Variants in FAM13A observed in about 807,000 individuals in gnomAD.
FAM13A encodes the protein protein FAM13A.
Under a neutral mutation model 129.6 loss-of-function variants are expected in FAM13A, and 76 were observed. That is an observed-to-expected ratio of 0.59 (90% CI 0.49 to 0.71). The LOEUF (loss-of-function observed/expected upper bound fraction) is 0.71, where lower values mean the gene tolerates loss of function less well. Among genes scored for constraint, FAM13A ranks in the 30% least tolerant of loss-of-function variants. FAM13A has a pLI of 0.00. For missense variants in FAM13A, 1,108 were observed against 1,249.3 expected, an observed-to-expected ratio of 0.89 and a Z score of 1.70; for synonymous variants, 443 against 449.9, an observed-to-expected ratio of 0.98 and a Z score of 0.20.
At chr4:88,869,229 G>T (rs1252524825) in intron 6 of FAM13A, among the ~76,000 whole-genome samples, 2 of 152,134 alleles carry the variant, frequency 1.3e-5, no homozygotes, top group East Asian at 3.8e-4. Flanking sequence ...GCCTTCTTCT[G>T]ATTATATTCA....
chr4:88,968,035 C>T (rs992997637), intron 4 of FAM13A, among the ~76,000 whole-genome samples: 1 of 152,172 alleles, frequency 6.6e-6, no homozygotes, highest in African/African-American at 2.4e-5. Context: ...CACAGAAGAC[C>T]TGCCATAATT....
intron 1 of FAM13A, among the ~76,000 whole-genome samples, chr4:89,042,233 C>G (rs1389709854): frequency 1.3e-5 from 2 of 152,000 alleles, no homozygotes; most frequent in East Asian, 3.9e-4. Flanking sequence ...TGTAATTAAG[C>G]AGCAACCCAG....
intron 7 of FAM13A, among the ~76,000 whole-genome samples, chr4:88,810,073 G>C (rs1729370801): frequency 1.3e-5 from 2 of 152,024 alleles, no homozygotes; most frequent in Non-Finnish European, 2.9e-5. Flanking sequence ...GCAGTTCAAG[G>C]GCAAATAGAT....
Position 88,821,893 on chromosome 4 carries a change from C to T in FAM13A, c.1008-16841G>A, listed in dbSNP as rs530187751. ...GTACAGTGAAGGAAAAATGACTATA[C>T]TGTTTTATCTCACTGTAAGTATCTG... On this transcript the variant is annotated intron_variant, in intron 7 of 23. Coordinates refer to ENST00000264344, the MANE Select transcript of FAM13A (RefSeq NM_014883.4). 1.2e-4 allele frequency among the ~76,000 whole-genome samples: 18 copies of T among 152,330 alleles called. No individual in the cohort carries two copies. The South Asian group carries it at 2.9e-3, about 25-fold the overall frequency.
At chr4:89,044,095 C>CAAAAAAAAAAAAAAAAA (rs148233625) in intron 1 of FAM13A, among the ~76,000 whole-genome samples, 26 of 115,958 alleles carry the variant, frequency 2.2e-4, no homozygotes, top group Non-Finnish European at 2.5e-4. Flanking sequence ...GAGACCATAT[C>CAAAAAAAAAAAAAAAAA]AAAAAAAAAG....
At chr4:89,047,487 T>A (rs1771015943) in intron 1 of FAM13A, among the ~76,000 whole-genome samples, 1 of 152,122 alleles carries the variant, frequency 6.6e-6, no homozygotes, top group Non-Finnish European at 1.5e-5. Context: ...CCTAAAAAAA[T>A]GTATAAAACC....
At chr4:88,962,239 T>A (rs1758722981) in intron 4 of FAM13A, among the ~76,000 whole-genome samples, 2 of 152,112 alleles carry the variant, frequency 1.3e-5, no homozygotes, top group African/African-American at 4.8e-5. Context: ...CACAATGTTA[T>A]CACATTAGTA....
chr4:89,012,460 G>T (rs1285206078), intron 3 of FAM13A, among the ~76,000 whole-genome samples: 2 of 152,196 alleles, frequency 1.3e-5, no homozygotes, highest in African/African-American at 4.8e-5. Flanking sequence ...TGAAAGAAGT[G>T]AAAGGTTCTG....
At chr4:88,835,438 GT>G (rs75729130) in intron 7 of FAM13A, among the ~76,000 whole-genome samples, 37,186 of 152,080 alleles carry the variant, frequency 0.24, 5,215 homozygotes, top group South Asian at 0.52. Context: ...CCAGGGACTG[GT>G]TTAATGGAGG....
intron 11 of FAM13A, among the ~76,000 whole-genome samples, chr4:88,772,343 A>C (rs1293767640): frequency 2.0e-5 from 3 of 152,218 alleles, no homozygotes; most frequent in Non-Finnish European, 4.4e-5. Flanking sequence ...TTCAAAAAGA[A>C]CTACTGGTAT....
At chr4:89,036,355 T>C (rs1019831848) in intron 1 of FAM13A, among the ~76,000 whole-genome samples, 3 of 152,104 alleles carry the variant, frequency 2.0e-5, no homozygotes, top group East Asian at 3.9e-4. Flanking sequence ...GAGAGATGAT[T>C]TAGGGTATCA....
At chr4:88,872,040 A>G (rs1276027485) in intron 6 of FAM13A, among the ~76,000 whole-genome samples, 1 of 152,214 alleles carries the variant, frequency 6.6e-6, no homozygotes, top group Non-Finnish European at 1.5e-5. Context: ...ATATCCAGCC[A>G]AACTAAGCTT....
rs1001888511 is a variant in FAM13A at position 88,870,449 on chromosome 4, C to A, written c.844-19266G>T. Among the ~76,000 whole-genome samples, 2 of 152,212 alleles carry A rather than the reference C, an allele frequency of 1.3e-5. 1 individual carries two copies. Among genetic ancestry groups the A allele is most frequent in the Admixed American group, 1.3e-4 (2 of 15,278 alleles). On this transcript the variant is annotated intron_variant, in intron 6 of 23. Transcript: ENST00000264344. ...CTGCCCTAATACTGCAATTTTCCAACAGTCTTAGCAAATGGCACACCAGGA... is the reference window on the plus strand; with the variant it reads ...CTGCCCTAATACTGCAATTTTCCAAAAGTCTTAGCAAATGGCACACCAGGA...
At chr4:88,806,165 A>T (rs1728516818) in intron 7 of FAM13A, among the ~76,000 whole-genome samples, 1 of 152,158 alleles carries the variant, frequency 6.6e-6, no homozygotes, top group Non-Finnish European at 1.5e-5. Context: ...CCTCAAATAT[A>T]TAACTGATTA....
intron 7 of FAM13A, among the ~76,000 whole-genome samples, chr4:88,826,335 T>C (rs1354250833): frequency 6.7e-6 from 1 of 149,568 alleles, no homozygotes; most frequent in Non-Finnish European, 1.5e-5. Context: ...AAAAAAACCA[T>C]TCCTGACCCT....
chr4:88,963,895 T>C (rs148852805), intron 4 of FAM13A, among the ~76,000 whole-genome samples: 5 of 152,168 alleles, frequency 3.3e-5, no homozygotes, highest in African/African-American at 1.2e-4. Flanking sequence ...AGCTGATGGG[T>C]GTGTCACTGA....
rs2148814976 is a variant in FAM13A at position 88,938,241 on chromosome 4, A to G, written c.606T>C (p.His202=). The G allele has an allele frequency of 6.3e-7, 1 of 1,598,358 alleles. No individual in the cohort carries two copies. The highest frequency in any genetic ancestry group is 2.2e-5 in the East Asian group (1 of 44,752). ...TCATGCCTTCAAGCCCAGGTGGCAC[A>G]CTAGAAACAAGAAAGGGAAAGAGAG... ...LATVFGPNCF[H]VPPGLEGMKE... is the part of the protein sequence containing the mutation. The change falls in exon 5 of 24, where the codon CAT becomes CAC. Residue 202 remains histidine (H), a splice_region_variant and synonymous_variant. Transcript: ENST00000264344.
At chr4:88,737,704 A>G in intron 20 of FAM13A, 149 bp from the exon 21 acceptor site, 1 of 686,072 alleles carries the variant, frequency 1.5e-6, no homozygotes, top group Non-Finnish European at 2.5e-6. Flanking sequence ...AAAACCTGAA[A>G]CAACAAAAGT....
At chr4:89,048,765 T>C (rs1336876123) in intron 1 of FAM13A, among the ~76,000 whole-genome samples, 1 of 152,186 alleles carries the variant, frequency 6.6e-6, no homozygotes, top group African/African-American at 2.4e-5. Context: ...ATGAAATAGA[T>C]AACTTTTGAA....
Sources: allele counts gnomAD v4.1 joint callset (sites outside exome capture counted in the v4.1 genomes callset), GRCh38; gene constraint gnomAD v4.1.1; transcripts MANE v1.5; gene names NCBI Gene and HGNC (gene_info 2026-07-23, HGNC 2026-07-21).